Variants in SLC6A5 observed in about 807,000 individuals in gnomAD.
SLC6A5 encodes solute carrier family 6 member 5, also known as sodium- and chloride-dependent glycine transporter 2.
Under a neutral mutation model 90.5 loss-of-function variants are expected in SLC6A5, and 58 were observed. The observed-to-expected ratio is 0.64, with a 90% CI of 0.52 to 0.80. SLC6A5 has a LOEUF of 0.80. Among genes scored for constraint, SLC6A5 ranks in the 30% least tolerant of loss-of-function variants. The pLI, the probability that SLC6A5 is intolerant of heterozygous loss-of-function variation, is 0.00. For missense variants in SLC6A5, 1,015 were observed against 1,017.6 expected, an observed-to-expected ratio of 1.00 and a Z score of 0.03; for synonymous variants, 427 against 401.4, an observed-to-expected ratio of 1.06 and a Z score of -0.76.
chr11:20,647,398 T>TAACTATATAA (rs1853439676), intron 14 of SLC6A5, among the ~76,000 whole-genome samples: 1 of 128,404 alleles, frequency 7.8e-6, no homozygotes, highest in African/African-American at 2.9e-5. Context: ...GTTATATATA[T>TAACTATATAA]TCCTATTATA....
chr11:20,614,616 G>C, intron 5 of SLC6A5, 63 bp from the exon 6 acceptor site: 1 of 1,511,862 alleles, frequency 6.6e-7, no homozygotes, highest in East Asian at 2.3e-5. Context: ...CTGCTGCAGA[G>C]AGACAAATCT....
intron 7 of SLC6A5, among the ~76,000 whole-genome samples, chr11:20,620,404 A>G (rs59807601): frequency 0.03 from 4,522 of 152,318 alleles, 250 homozygotes; most frequent in African/African-American, 0.1. Context: ...ATAATAGTGC[A>G]TAATACTTAG....
At chr11:20,638,270 G>C (rs2133810533) in intron 12 of SLC6A5, among the ~76,000 whole-genome samples, 189 bp from the exon 13 acceptor site, 1 of 152,278 alleles carries the variant, frequency 6.6e-6, no homozygotes, top group Non-Finnish European at 1.5e-5. Context: ...CTGCTTTGCT[G>C]ACTCAGCAAG....
Position 20,601,483 on chromosome 11 carries a change from T to A in SLC6A5, c.358T>A (p.Cys120Ser). ...GSSGPGNALH[C>S]KIPFLRGPEG... ...CTCCGGGCCCGGCAACGCGCTGCAC[T>A]GTAAGATCCCTTTTCTGCGAGGCCC... The change falls in exon 2 of 16, where the codon TGT becomes AGT. Residue 120 changes from cysteine to serine, a missense_variant. By Grantham distance (112) the Cys-to-Ser change is moderately radical. Coordinates refer to ENST00000525748, the MANE Select transcript of SLC6A5 (RefSeq NM_004211.5). The A allele has an allele frequency of 6.2e-7, 1 of 1,613,304 alleles. No individual in the cohort carries two copies.
rs931960825 is a variant in SLC6A5 at position 20,607,749 on chromosome 11, A to G, written c.985+97A>G. 31 of 948,626 alleles carry G rather than the reference A, an allele frequency of 3.3e-5. No individual in the cohort carries two copies. In the Admixed American group the frequency reaches 5.4e-4, roughly 17 times the overall value. The allele number at this position is 948,626 out of a possible 1,614,324, so 58.8% of individuals were successfully genotyped here. A position where few individuals can be genotyped will look rare whatever the true frequency, so the allele number is the denominator to read the frequency against. On this transcript the variant is annotated intron_variant, in intron 5 of 15. Transcript: ENST00000525748. ...ATATATTATGCATGCTAGGACCTAT[A>G]CTAGGTTCTGGGAACACAGAGATTA...
intron 5 of SLC6A5, among the ~76,000 whole-genome samples, chr11:20,609,542 C>T (rs148755534): frequency 4.7e-4 from 72 of 152,220 alleles, no homozygotes; most frequent in African/African-American, 1.7e-3. Context: ...AGGCTGTTTC[C>T]CAAATGGTCA....
intron 14 of SLC6A5, among the ~76,000 whole-genome samples, chr11:20,648,760 G>A (rs940543418): frequency 6.6e-6 from 1 of 152,144 alleles, no homozygotes; most frequent in Non-Finnish European, 1.5e-5. Context: ...AAAAGATACT[G>A]TGCTTCAGAG....
At position 20,658,922 on chromosome 11, in the gene SLC6A5, G is replaced by C. The variant is rs957343124; in HGVS notation, c.*4054G>C. 6.6e-6 allele frequency: 1 copy of C among 152,016 alleles called. No homozygotes were observed. The highest frequency in any genetic ancestry group is 2.4e-5 in the African/African-American group (1 of 41,396). The allele number at this position is 152,016 out of a possible 1,614,324, so 9.4% of individuals were successfully genotyped here. A position where few individuals can be genotyped will look rare whatever the true frequency, so the allele number is the denominator to read the frequency against. ...GGTTAATTCTTACATTGTGTACTTG[G>C]CTAATGTCCTAAATGCAGGCATCTT... On this transcript the variant is annotated 3_prime_UTR_variant, in exon 16 of 16. Coordinates refer to ENST00000525748, the MANE Select transcript of SLC6A5 (RefSeq NM_004211.5).
At chr11:20,601,016 C>T (rs926809970) in intron 1 of SLC6A5, 113 bp from the exon 2 acceptor site, 65 of 1,058,406 alleles carry the variant, frequency 6.1e-5, no homozygotes, top group Non-Finnish European at 8.4e-5. Flanking sequence ...TTCCAATTTG[C>T]TTCCCCAGAT....
Position 20,601,475 on chromosome 11 carries a change from C to G in SLC6A5, c.350C>G (p.Ala117Gly). ...PPPGSSGPGN[A>G]LHCKIPFLRG... ...CCCGGGAGCTCCGGGCCCGGCAACG[C>G]GCTGCACTGTAAGATCCCTTTTCTG... The change falls in exon 2 of 16, where the codon GCG (alanine) becomes GGG (glycine). Residue 117 changes from alanine (A) to glycine (G), a missense_variant. Coordinates refer to ENST00000525748, the MANE Select transcript of SLC6A5 (RefSeq NM_004211.5). 1 of 1,612,594 alleles carries G rather than the reference C, an allele frequency of 6.2e-7. No homozygotes were observed. The highest frequency in any genetic ancestry group is 1.1e-5 in the South Asian group (1 of 90,814).
At chr11:20,614,396 T>C (rs1852746763) in intron 5 of SLC6A5, among the ~76,000 whole-genome samples, 1 of 152,224 alleles carries the variant, frequency 6.6e-6, no homozygotes, top group Admixed American at 6.5e-5. Context: ...TTAAATGAGA[T>C]AATGCATGCA....
rs868570512 is a variant in SLC6A5, at chr11:20,604,281, C to T, written c.541-5C>T. The T allele has an allele frequency of 4.4e-6, 7 of 1,608,126 alleles. No homozygotes were observed. The highest frequency in any genetic ancestry group is 5.1e-6 in the Non-Finnish European group (6 of 1,175,780). ...GTTATCGACAATGTGCTTTTCCGCCCCCAGGAGGACGAGCAAGGGGATGAG... is the reference window on the plus strand; with the variant it reads ...GTTATCGACAATGTGCTTTTCCGCCTCCAGGAGGACGAGCAAGGGGATGAG... On this transcript the variant is annotated splice_region_variant and splice_polypyrimidine_tract_variant and intron_variant, in intron 2 of 15. Coordinates refer to ENST00000525748, the MANE Select transcript of SLC6A5 (RefSeq NM_004211.5).
chr11:20,628,286 G>A (rs1246918537), intron 9 of SLC6A5, among the ~76,000 whole-genome samples: 1 of 152,202 alleles, frequency 6.6e-6, no homozygotes, highest in Admixed American at 6.5e-5. Context: ...ACCTGGCTCT[G>A]ACACATGGGG....
Position 20,611,756 on chromosome 11 carries a change from T to A in SLC6A5, c.986-2923T>A, listed in dbSNP as rs2853013. On this transcript the variant is annotated intron_variant, in intron 5 of 15. Coordinates refer to ENST00000525748, the MANE Select transcript of SLC6A5 (RefSeq NM_004211.5). ...TCTTACCCAGTGGTTTATTTGTTTA[T>A]TTATTTTGGTGAAAAAAAAAAAAAA... Among the ~76,000 whole-genome samples, 257 of 106,550 alleles carry A rather than the reference T, an allele frequency of 2.4e-3. 7 individuals are homozygous for A. The South Asian group carries it at 0.084, about 35-fold the overall frequency. 69.9% of individuals were successfully genotyped at this position (106,550 alleles called of 152,430 possible). A position where few individuals can be genotyped will look rare whatever the true frequency, so the allele number is the denominator to read the frequency against.
intron 13 of SLC6A5, among the ~76,000 whole-genome samples, chr11:20,644,881 A>G (rs1400233875): frequency 1.3e-5 from 2 of 150,918 alleles, no homozygotes; most frequent in Non-Finnish European, 3.0e-5. Flanking sequence ...GTGCGATCTC[A>G]TCTCACTGCA....
chr11:20,641,844 A>T (rs967033416), intron 13 of SLC6A5, among the ~76,000 whole-genome samples: 1 of 152,152 alleles, frequency 6.6e-6, no homozygotes, highest in African/African-American at 2.4e-5. Flanking sequence ...CACACTTAAG[A>T]CACTGAGGAG....
intron 7 of SLC6A5, among the ~76,000 whole-genome samples, chr11:20,620,051 G>A (rs1273031141): frequency 1.3e-5 from 2 of 152,160 alleles, no homozygotes; most frequent in Admixed American, 6.5e-5. Flanking sequence ...AAAGGGCCCA[G>A]CCAAGCAATT....
chr11:20,653,699 C>G (rs1853582610), intron 15 of SLC6A5, among the ~76,000 whole-genome samples: 1 of 152,138 alleles, frequency 6.6e-6, no homozygotes, highest in Non-Finnish European at 1.5e-5. Context: ...TCTGTTATTC[C>G]CTTGAGGTAA....
chr11:20,602,920 G>A (rs1418820452), intron 2 of SLC6A5, among the ~76,000 whole-genome samples: 1 of 152,200 alleles, frequency 6.6e-6, no homozygotes, highest in Non-Finnish European at 1.5e-5. Flanking sequence ...CTTAACCTCC[G>A]CACTGCGGCA....
Sources: gnomAD v4.1 joint callset for allele counts (sites outside exome capture counted in the v4.1 genomes callset) on GRCh38, gnomAD v4.1.1 for gene constraint, MANE v1.5 for transcripts, NCBI Gene and HGNC (gene_info 2026-07-23, HGNC 2026-07-21) for gene names.